Variants in GRIN2A observed in about 807,000 individuals in gnomAD.
GRIN2A encodes glutamate receptor ionotropic, NMDA 2A.
In GRIN2A, 22 loss-of-function variants were observed where a neutral mutation model predicts 113.4. The observed-to-expected ratio is 0.19, with a 90% CI of 0.14 to 0.28. The LOEUF (loss-of-function observed/expected upper bound fraction) is 0.28. Ranked by LOEUF, GRIN2A falls within the 10% of genes least tolerant of loss-of-function variation. GRIN2A has a pLI of 1.00. For missense variants in GRIN2A, 1,502 were observed against 1,887.0 expected, an observed-to-expected ratio of 0.80 and a Z score of 3.78; for synonymous variants, 827 against 738.4, an observed-to-expected ratio of 1.12 and a Z score of -1.94.
chr16:9,874,532 G>T (rs2043328203), intron 4 of GRIN2A, among the ~76,000 whole-genome samples: 1 of 152,154 alleles, frequency 6.6e-6, no homozygotes, highest in Non-Finnish European at 1.5e-5. Flanking sequence ...GGGATGGGGG[G>T]ACCCCCAACA....
intron 2 of GRIN2A, among the ~76,000 whole-genome samples, chr16:10,000,659 T>C (rs993613099): frequency 2.0e-5 from 3 of 152,172 alleles, no homozygotes; most frequent in Non-Finnish European, 4.4e-5. Context: ...TTTCATTGTA[T>C]TAAGGAAGAC....
intron 2 of GRIN2A, among the ~76,000 whole-genome samples, chr16:9,971,975 A>G (rs1003139334): frequency 4.0e-5 from 6 of 151,298 alleles, no homozygotes; most frequent in African/African-American, 1.2e-4. Flanking sequence ...GTGGCTCAAC[A>G]TCTAGTGGAA....
rs886366544 is a variant in GRIN2A at position 10,049,550 on chromosome 16, T to C, written c.415-110999A>G. Reference sequence around the variant, plus strand: ...CCACAACTACGCCCACCTAATTTTTTGTATTTTTAGTAGAGACAGGGTTTC... The same window carrying C: ...CCACAACTACGCCCACCTAATTTTTCGTATTTTTAGTAGAGACAGGGTTTC... On this transcript the variant is annotated intron_variant, in intron 2 of 12. Coordinates refer to ENST00000330684, the MANE Select transcript of GRIN2A (RefSeq NM_001134407.3). 7.2e-5 allele frequency among the ~76,000 whole-genome samples: 11 copies of C among 152,090 alleles called. No individual in the cohort carries two copies. The East Asian group carries it at 1.9e-3, about 27-fold the overall frequency.
At chr16:9,813,295 C>T (rs1353328664) in intron 10 of GRIN2A, among the ~76,000 whole-genome samples, 7 of 151,932 alleles carry the variant, frequency 4.6e-5, no homozygotes, top group Non-Finnish European at 8.8e-5. Context: ...GCATATGCAC[C>T]GACTCAACTT....
At chr16:10,081,796 G>A (rs953559021) in intron 2 of GRIN2A, among the ~76,000 whole-genome samples, 1 of 152,268 alleles carries the variant, frequency 6.6e-6, no homozygotes, top group African/African-American at 2.4e-5. Flanking sequence ...CACTGGACCA[G>A]GGTCAGGCTA....
At chr16:10,024,650 T>C (rs1015629799) in intron 2 of GRIN2A, among the ~76,000 whole-genome samples, 2 of 152,184 alleles carry the variant, frequency 1.3e-5, no homozygotes, top group Non-Finnish European at 2.9e-5. Context: ...TTTTAGAGAC[T>C]CTCATTTTGC....
intron 2 of GRIN2A, among the ~76,000 whole-genome samples, chr16:10,005,583 T>G (rs1016058590): frequency 6.6e-6 from 1 of 152,176 alleles, no homozygotes; most frequent in Non-Finnish European, 1.5e-5. Flanking sequence ...TATTACTCAC[T>G]TCCATCTGAA....
In GRIN2A at chr16:10,132,340, C is replaced by CAAAAA. The variant is rs71402435; in HGVS notation, c.414+47653_414+47657dup. Among the ~76,000 whole-genome samples, 109 of 61,614 alleles carry CAAAAA rather than the reference C, an allele frequency of 1.8e-3. 2 individuals carry two copies. The East Asian group carries it at 0.034, about 19-fold the overall frequency. 40.4% of individuals were successfully genotyped at this position (61,614 alleles called of 152,430 possible). A position where few individuals can be genotyped will look rare whatever the true frequency, so the allele number is the denominator to read the frequency against. ...GAATGAGCAGAACAAGACACCGTCT[C>CAAAAA]AAAAAAAAAAAAAAAAAAGATGTGA... On this transcript the variant is annotated intron_variant, in intron 2 of 12. Coordinates refer to ENST00000330684, the MANE Select transcript of GRIN2A (RefSeq NM_001134407.3).
At chr16:9,903,119 C>T (rs374203585) in intron 3 of GRIN2A, among the ~76,000 whole-genome samples, 25 of 151,966 alleles carry the variant, frequency 1.6e-4, no homozygotes, top group African/African-American at 5.5e-4. Context: ...CAATCGCGTG[C>T]CACCATGCCC....
intron 2 of GRIN2A, among the ~76,000 whole-genome samples, chr16:10,175,840 G>A (rs2050131722): frequency 6.6e-6 from 1 of 152,174 alleles, no homozygotes; most frequent in Admixed American, 6.5e-5. Flanking sequence ...CTGAGCAGAA[G>A]TGTAAAGATC....
intron 4 of GRIN2A, among the ~76,000 whole-genome samples, chr16:9,890,168 G>GTCAT (rs1313180067): frequency 1.3e-5 from 2 of 152,154 alleles, no homozygotes; most frequent in Non-Finnish European, 2.9e-5. Context: ...TAGTTCAGAG[G>GTCAT]TCATGCATTG....
rs543446665 is a variant in GRIN2A, at chr16:10,119,548, C to T, written c.414+60450G>A. ...AGGAAGGCGGCTTTTTGTCTAGCCC[C>T]GTGGTTCTCAACAGGGAAAGATTAT... On this transcript the variant is annotated intron_variant, in intron 2 of 12. Coordinates refer to ENST00000330684, the MANE Select transcript of GRIN2A (RefSeq NM_001134407.3). 5.9e-5 allele frequency among the ~76,000 whole-genome samples: 9 copies of T among 152,256 alleles called. No homozygotes were observed. In the South Asian group the frequency reaches 1.7e-3, roughly 28 times the overall value.
At chr16:9,932,279 G>C (rs2141612154) in intron 3 of GRIN2A, among the ~76,000 whole-genome samples, 1 of 150,776 alleles carries the variant, frequency 6.6e-6, no homozygotes, top group South Asian at 2.1e-4. Context: ...GCTTATGTAA[G>C]ACACCAAAGA....
chr16:9,819,119 A>G, intron 10 of GRIN2A, among the ~76,000 whole-genome samples: 1 of 152,222 alleles, frequency 6.6e-6, no homozygotes. Flanking sequence ...TGTGGTTACC[A>G]TGGAGGGGTA....
intron 2 of GRIN2A, among the ~76,000 whole-genome samples, chr16:10,120,519 G>T (rs188753929): frequency 6.6e-6 from 1 of 152,016 alleles, no homozygotes; most frequent in Non-Finnish European, 1.5e-5. Context: ...TCATGAAACA[G>T]TTTTCTGGGG....
rs116118235 is a variant in GRIN2A, at chr16:9,937,195, C to T, written c.1007+764G>A. On this transcript the variant is annotated intron_variant, in intron 3 of 12. Transcript: ENST00000330684. ...CCTGTACCAAAATACTTCACTTATC[C>T]CATAAATAAACACATTTTTGTATTG... 8.3e-3 allele frequency among the ~76,000 whole-genome samples: 1,267 copies of T among 151,908 alleles called. 19 individuals are homozygous for T. Among genetic ancestry groups the T allele is most frequent in the African/African-American group, 0.029 (1,187 of 41,400 alleles).
chr16:10,026,643 G>A (rs1262352631), intron 2 of GRIN2A, among the ~76,000 whole-genome samples: 1 of 146,178 alleles, frequency 6.8e-6, no homozygotes, highest in African/African-American at 2.7e-5. Context: ...CAAGCTGGGG[G>A]GCACTGCAGA....
In GRIN2A at chr16:9,887,528, G is replaced by A. The variant is rs7206032; in HGVS notation, c.1122+3458C>T. On this transcript the variant is annotated intron_variant, in intron 4 of 12. Transcript: ENST00000330684. The stretch of plus-strand genomic sequence containing the variant: ...ATCCATGTTGTTGTACATATTACTA[G>A]GCCATTCTGTTTTATTAATATACCA... Among the ~76,000 whole-genome samples, 1,268 of 152,138 alleles carry A rather than the reference G, an allele frequency of 8.3e-3. 21 individuals are homozygous for A. The highest frequency in any genetic ancestry group is 0.029 in the African/African-American group (1,198 of 41,506).
chr16:10,093,629 A>AAC (rs2048228535), intron 2 of GRIN2A, among the ~76,000 whole-genome samples: 1 of 151,774 alleles, frequency 6.6e-6, no homozygotes, highest in South Asian at 2.1e-4. Context: ...AAAAAAAAAA[A>AAC]CAAAAAACCT....
Sources: gnomAD v4.1 joint callset for allele counts (sites outside exome capture counted in the v4.1 genomes callset) on GRCh38, gnomAD v4.1.1 for gene constraint, MANE v1.5 for transcripts, NCBI Gene and HGNC (gene_info 2026-07-23, HGNC 2026-07-21) for gene names.